The following NARS2 variants were observed in gnomAD, a reference collection of about 807,000 sequenced individuals.
NARS2 encodes asparaginyl-tRNA synthetase.
NARS2 carries 60 observed loss-of-function variants against 62.9 expected under a neutral mutation model. That is an observed-to-expected ratio of 0.95 (90% CI 0.77 to 1.18). NARS2 has a LOEUF of 1.18. NARS2 is among the 50% of genes most tolerant of loss of function. NARS2 has a pLI of 0.00. For synonymous variants in NARS2, 196 were observed against 200.0 expected, an observed-to-expected ratio of 0.98 and a Z score of 0.17; for missense variants, 619 against 576.4, an observed-to-expected ratio of 1.07 and a Z score of -0.76.
At chr11:78,495,233 A>AGCCACTCT (rs1211967003) in intron 6 of NARS2, among the ~76,000 whole-genome samples, 1 of 152,150 alleles carries the variant, frequency 6.6e-6, no homozygotes, top group African/African-American at 2.4e-5. Context: ...CCTTTTATCC[A>AGCCACTCT]GCCACTCTGA....
Position 78,469,393 on chromosome 11 carries a change from C to T in NARS2, c.960-80G>A, listed in dbSNP as rs560887564. ...TAGTTCATTTTAAAACCAGAAAAAG[C>T]GTACTCCTATATCACACTGTGAGGT... On this transcript the variant is annotated intron_variant, in intron 9 of 13. Coordinates refer to ENST00000281038, the MANE Select transcript of NARS2 (RefSeq NM_024678.6). 43 of 986,530 alleles carry T rather than the reference C, an allele frequency of 4.4e-5. No homozygotes were observed. The East Asian group carries it at 1.0e-3, about 23-fold the overall frequency. The allele number at this position is 986,530 out of a possible 1,614,324, so 61.1% of individuals were successfully genotyped here.
At chr11:78,474,584 G>T (rs1200011460) in intron 9 of NARS2, among the ~76,000 whole-genome samples, 1 of 152,136 alleles carries the variant, frequency 6.6e-6, no homozygotes, top group African/African-American at 2.4e-5. Flanking sequence ...CTCAGGAGAG[G>T]ATCCAGCCTA....
At position 78,524,559 on chromosome 11, in the gene NARS2, T is replaced by A. The variant is rs568534410; in HGVS notation, c.689+4283A>T. On this transcript the variant is annotated intron_variant, in intron 6 of 13. Transcript: ENST00000281038. ...TGACTTTAACTGATGAGAAATGGAATACTTCATTATGTGACATTTCTTAAT... is the reference window on the plus strand; with the variant it reads ...TGACTTTAACTGATGAGAAATGGAAAACTTCATTATGTGACATTTCTTAAT... Among the ~76,000 whole-genome samples the A allele has an allele frequency of 2.6e-5, 4 of 152,254 alleles. No individual in the cohort carries two copies. The South Asian group carries it at 8.3e-4, about 32-fold the overall frequency.
chr11:78,526,966 C>T (rs907313288), intron 6 of NARS2, among the ~76,000 whole-genome samples: 1 of 152,090 alleles, frequency 6.6e-6, no homozygotes, highest in African/African-American at 2.4e-5. Flanking sequence ...GCCCATTCGA[C>T]GATTACTTAA....
At chr11:78,570,104 T>C (rs1207624831) in intron 2 of NARS2, among the ~76,000 whole-genome samples, 2 of 152,072 alleles carry the variant, frequency 1.3e-5, no homozygotes, top group Non-Finnish European at 2.9e-5. Context: ...GCACGAGAAT[T>C]GCCCGAACTC....
intron 7 of NARS2, among the ~76,000 whole-genome samples, chr11:78,488,400 T>C (rs542960318): frequency 6.5e-4 from 99 of 152,308 alleles, no homozygotes; most frequent in African/African-American, 2.3e-3. Flanking sequence ...GATACCTTGC[T>C]GGTTTTTAAG....
At chr11:78,513,402 T>TACCCC (rs1860789449) in intron 6 of NARS2, among the ~76,000 whole-genome samples, 1 of 151,490 alleles carries the variant, frequency 6.6e-6, no homozygotes, top group Non-Finnish European at 1.5e-5. Flanking sequence ...ACCTGCCCAC[T>TACCCC]ACCCTTGCCA....
At chr11:78,471,344 G>A (rs1165000001) in intron 9 of NARS2, among the ~76,000 whole-genome samples, 1 of 152,048 alleles carries the variant, frequency 6.6e-6, no homozygotes, top group East Asian at 1.9e-4. Flanking sequence ...AGTTTCATAT[G>A]TTCCATCAAA....
chr11:78,442,569 T>C (rs76182498), intron 12 of NARS2, among the ~76,000 whole-genome samples: 2 of 151,666 alleles, frequency 1.3e-5, no homozygotes, highest in East Asian at 1.9e-4. Context: ...CAGATTACTA[T>C]GAAACCCAGT....
At chr11:78,510,827 A>C (rs888437780) in intron 6 of NARS2, among the ~76,000 whole-genome samples, 2 of 152,252 alleles carry the variant, frequency 1.3e-5, no homozygotes, top group African/African-American at 2.4e-5. Flanking sequence ...TCAGTGGGAT[A>C]ATATTCAGCA....
chr11:78,488,365 T>C (rs7952349), intron 7 of NARS2, among the ~76,000 whole-genome samples: 3 of 152,020 alleles, frequency 2.0e-5, no homozygotes, highest in African/African-American at 7.2e-5. Context: ...CATGAGGGTG[T>C]TGAGAGTTAG....
At chr11:78,489,956 T>G (rs1241246402) in intron 7 of NARS2, among the ~76,000 whole-genome samples, 1 of 152,142 alleles carries the variant, frequency 6.6e-6, no homozygotes, top group East Asian at 1.9e-4. Flanking sequence ...GAGGATCACT[T>G]GAGCCCCAGG....
chr11:78,473,586 C>A (rs918751300), intron 9 of NARS2, among the ~76,000 whole-genome samples: 1 of 152,096 alleles, frequency 6.6e-6, no homozygotes, highest in African/African-American at 2.4e-5. Context: ...ATTTTAATGC[C>A]CTGGCATGAA....
chr11:78,476,899 T>C (rs1333071814), intron 9 of NARS2, among the ~76,000 whole-genome samples: 1 of 152,208 alleles, frequency 6.6e-6, no homozygotes, highest in Admixed American at 6.5e-5. Flanking sequence ...AGGTTAAAAG[T>C]CTGAGCTTTG....
intron 7 of NARS2, among the ~76,000 whole-genome samples, chr11:78,480,846 T>A (rs911555297): frequency 6.6e-6 from 1 of 150,604 alleles, no homozygotes; most frequent in Non-Finnish European, 1.5e-5. Context: ...TAAGACAGAG[T>A]CTTGCTCTGT....
intron 5 of NARS2, among the ~76,000 whole-genome samples, chr11:78,552,427 T>C (rs952132122): frequency 6.6e-6 from 1 of 152,206 alleles, no homozygotes; most frequent in African/African-American, 2.4e-5. Context: ...GTATCTTTGC[T>C]ATTGTGAACA....
At chr11:78,495,080 C>A (rs1396131792) in intron 6 of NARS2, among the ~76,000 whole-genome samples, 3 of 152,170 alleles carry the variant, frequency 2.0e-5, no homozygotes, top group African/African-American at 7.2e-5. Flanking sequence ...GTGTCTGGCA[C>A]CTGTCTTCCT....
chr11:78,482,953 C>A (rs1859420272), intron 7 of NARS2, among the ~76,000 whole-genome samples: 1 of 152,152 alleles, frequency 6.6e-6, no homozygotes, highest in Non-Finnish European at 1.5e-5. Flanking sequence ...AAATTTCAGG[C>A]CAATATCCCT....
At chr11:78,545,524 CTT>C (rs888860047) in intron 5 of NARS2, among the ~76,000 whole-genome samples, 34 of 134,804 alleles carry the variant, frequency 2.5e-4, no homozygotes, top group African/African-American at 3.1e-4. Context: ...ATGCTTTTTC[CTT>C]TTTTTTTTTT....
Sources: gnomAD v4.1 joint callset for allele counts (sites outside exome capture counted in the v4.1 genomes callset) on GRCh38, gnomAD v4.1.1 for gene constraint, MANE v1.5 for transcripts, NCBI Gene and HGNC (gene_info 2026-07-23, HGNC 2026-07-21) for gene names.